Variants in EML6 observed in about 807,000 individuals in gnomAD.
EML6 encodes EMAP like 6, also known as echinoderm microtubule-associated protein-like 6.
Under a neutral mutation model 240.1 loss-of-function variants are expected in EML6, and 154 were observed. That is an observed-to-expected ratio of 0.64 (90% CI 0.56 to 0.73). EML6 has a LOEUF of 0.73. Among genes scored for constraint, EML6 ranks in the 30% least tolerant of loss-of-function variants. The pLI is 0.00. For missense variants in EML6, 2,964 were observed against 2,474.6 expected (o/e 1.20, Z -4.20); for synonymous variants, 1,148 against 899.0 (o/e 1.28, Z -4.95).
In EML6 at chr2:54,928,762, G is replaced by A. The variant is rs1464307562; in HGVS notation, c.4004+11G>A. The A allele has an allele frequency of 1.3e-6, 2 of 1,551,556 alleles. No homozygotes were observed. The highest frequency in any genetic ancestry group is 1.7e-6 in the Non-Finnish European group (2 of 1,146,992). On this transcript the variant is annotated intron_variant, in intron 28 of 41. Coordinates refer to ENST00000356458, the MANE Select transcript of EML6 (RefSeq NM_001039753.4). The stretch of plus-strand genomic sequence containing the variant: ...TTCCGTGGAAGAAAGGTATGGTGTT[G>A]CCAGGTTTGCTTGCTTTTATTATAC...
intron 17 of EML6, among the ~76,000 whole-genome samples, chr2:54,889,588 C>T (rs183260542): frequency 6.6e-6 from 1 of 151,832 alleles, no homozygotes; most frequent in Admixed American, 6.6e-5. Context: ...TATTTTTCAA[C>T]CAGTCACTGT....
At chr2:54,956,628 G>A (rs951234693) in intron 32 of EML6, among the ~76,000 whole-genome samples, 2 of 98,038 alleles carry the variant, frequency 2.0e-5, no homozygotes, top group African/African-American at 5.1e-5. Context: ...GAAGTTCTCT[G>A]TGGGTCCCCC....
chr2:54,877,755 C>T (rs998545376), intron 16 of EML6, among the ~76,000 whole-genome samples: 3 of 152,206 alleles, frequency 2.0e-5, no homozygotes, highest in African/African-American at 7.2e-5. Context: ...AAAGTGTTAA[C>T]GTCTTCATCT....
At chr2:54,936,279 G>T (rs1232676117) in intron 28 of EML6, among the ~76,000 whole-genome samples, 1 of 152,116 alleles carries the variant, frequency 6.6e-6, no homozygotes, top group Non-Finnish European at 1.5e-5. Flanking sequence ...TCTAAGTGTG[G>T]GTTATGATCT....
chr2:54,911,590 C>T (rs993017661), intron 25 of EML6, among the ~76,000 whole-genome samples: 14 of 152,042 alleles, frequency 9.2e-5, no homozygotes, highest in Non-Finnish European at 2.1e-4. Flanking sequence ...CCACCACACC[C>T]AGCTAATTTT....
intron 25 of EML6, among the ~76,000 whole-genome samples, chr2:54,915,646 C>G (rs753480426): frequency 6.6e-6 from 1 of 152,112 alleles, no homozygotes; most frequent in Non-Finnish European, 1.5e-5. Context: ...ATTTGAGGGA[C>G]TAACAAATGT....
At chr2:54,786,175 C>T (rs1009854794) in intron 2 of EML6, among the ~76,000 whole-genome samples, 6 of 152,054 alleles carry the variant, frequency 3.9e-5, no homozygotes, top group Non-Finnish European at 8.8e-5. Context: ...TGGCTGGGCC[C>T]TGTGGCTCCT....
Position 54,771,960 on chromosome 2 carries a change from C to T in EML6, c.198-41272C>T, listed in dbSNP as rs184804160. On this transcript the variant is annotated intron_variant, in intron 2 of 41. Transcript: ENST00000356458. ...GTTAACTAGGACCCTGTAGGCTATACAAACTAAACTGACAGTCTCTCATTA... is the reference window on the plus strand; with the variant it reads ...GTTAACTAGGACCCTGTAGGCTATATAAACTAAACTGACAGTCTCTCATTA... 4.2e-3 allele frequency among the ~76,000 whole-genome samples: 644 copies of T among 152,320 alleles called. 2 individuals carry two copies. Among genetic ancestry groups the T allele is most frequent in the African/African-American group, 0.014 (601 of 41,564 alleles).
At chr2:54,901,064 A>G (rs747348699) in intron 22 of EML6, among the ~76,000 whole-genome samples, 6 of 152,244 alleles carry the variant, frequency 3.9e-5, no homozygotes, top group Non-Finnish European at 5.9e-5. Flanking sequence ...AACAATAGTG[A>G]TGGTGGCTAA....
intron 31 of EML6, among the ~76,000 whole-genome samples, chr2:54,953,698 C>G (rs1201753801): frequency 6.6e-6 from 1 of 152,070 alleles, no homozygotes; most frequent in Non-Finnish European, 1.5e-5. Flanking sequence ...ACCAGCCTGG[C>G]CAACATGGTG....
chr2:54,724,197 C>T lies in EML6; in HGVS notation c.-513-352C>T, dbSNP rs1353640617. On this transcript the variant is annotated intron_variant, in intron 1 of 41. Transcript: ENST00000356458. The surrounding 1 kb of genome is among the most constrained non-coding windows in gnomAD (Gnocchi z 5.2). Reference sequence around the variant, plus strand: ...GATTGGAGTTGCTGATCAATGAGAGCTGCTAAGTTCTTTATGGCTTTCTCG... The same window carrying T: ...GATTGGAGTTGCTGATCAATGAGAGTTGCTAAGTTCTTTATGGCTTTCTCG... Among the ~76,000 whole-genome samples the T allele has an allele frequency of 1.3e-5, 2 of 152,060 alleles. No homozygotes were observed. Among genetic ancestry groups the T allele is most frequent in the Non-Finnish European group, 2.9e-5 (2 of 68,016 alleles).
At chr2:54,797,187 A>AAAC (rs1558557094) in intron 2 of EML6, among the ~76,000 whole-genome samples, 2 of 149,474 alleles carry the variant, frequency 1.3e-5, no homozygotes, top group African/African-American at 4.9e-5. Context: ...AAAAAAAAAA[A>AAAC]AACTGTGATC....
At chr2:54,902,315 C>A (rs1673100045) in intron 22 of EML6, among the ~76,000 whole-genome samples, 3 of 152,166 alleles carry the variant, frequency 2.0e-5, no homozygotes, top group African/African-American at 7.2e-5. Context: ...TTTAAATACT[C>A]ATAAATGAAT....
chr2:54,925,864 G>T (rs1017331023), intron 26 of EML6, among the ~76,000 whole-genome samples: 1 of 152,130 alleles, frequency 6.6e-6, no homozygotes, highest in Non-Finnish European at 1.5e-5. Flanking sequence ...AAATGGAGAG[G>T]CTAAAATACC....
intron 5 of EML6, among the ~76,000 whole-genome samples, chr2:54,820,892 GA>G (rs1668302937): frequency 1.3e-5 from 2 of 152,252 alleles, no homozygotes; most frequent in East Asian, 1.9e-4. Context: ...CATGGAAATA[GA>G]GGAATTCACA....
intron 11 of EML6, among the ~76,000 whole-genome samples, chr2:54,854,808 C>A (rs975400254): frequency 1.2e-4 from 18 of 152,178 alleles, no homozygotes; most frequent in African/African-American, 4.1e-4. Flanking sequence ...CTCAACATGC[C>A]CAATTCATAC....
rs115477510 is a variant in EML6 at position 54,927,251 on chromosome 2, C to G, written c.3676-1062C>G. Among the ~76,000 whole-genome samples, 1,067 of 152,290 alleles carry G rather than the reference C, an allele frequency of 7.0e-3. 12 individuals are homozygous for G. The highest frequency in any genetic ancestry group is 0.024 in the African/African-American group (1,005 of 41,556). ...GCTCTGCCATCAGCTAGTAGTTGGC[C>G]AAATACAGGGCGATCTTGACTAGGA... is the stretch of plus-strand genomic sequence containing the variant. On this transcript the variant is annotated intron_variant, in intron 26 of 41. Transcript: ENST00000356458.
At chr2:54,950,079 G>A (rs1159861330) in intron 29 of EML6, among the ~76,000 whole-genome samples, 1 of 152,214 alleles carries the variant, frequency 6.6e-6, no homozygotes, top group Non-Finnish European at 1.5e-5. Flanking sequence ...ATCAGCCACT[G>A]TTCTTTGTCT....
At chr2:54,732,145 A>G (rs2104378662) in intron 2 of EML6, among the ~76,000 whole-genome samples, 1 of 152,056 alleles carries the variant, frequency 6.6e-6, no homozygotes, top group Non-Finnish European at 1.5e-5. Flanking sequence ...CCCATTTTTA[A>G]TCAGTTTGTC....
Sources: gnomAD v4.1 joint callset for allele counts (sites outside exome capture counted in the v4.1 genomes callset) on GRCh38, gnomAD v4.1.1 for gene constraint, Gnocchi (gnomAD v3.1) non-coding constraint, MANE v1.5 for transcripts, NCBI Gene and HGNC (gene_info 2026-07-23, HGNC 2026-07-21) for gene names.